The following PLXNB2 variants were observed in gnomAD, a reference collection of about 807,000 sequenced individuals.
PLXNB2 encodes the protein plexin B2.
PLXNB2 carries 85 observed loss-of-function variants against 202.6 expected under a neutral mutation model. The observed-to-expected ratio is 0.42, with a 90% CI of 0.35 to 0.50. The LOEUF is 0.50. Among genes scored for constraint, PLXNB2 ranks in the 20% least tolerant of loss-of-function variants. PLXNB2 has a pLI of 0.02. For synonymous variants in PLXNB2, 1,239 were observed against 1,137.6 expected (o/e 1.09, Z -1.79); for missense variants, 2,063 against 2,586.2 (o/e 0.80, Z 4.39).
intron 35 of PLXNB2, among the ~76,000 whole-genome samples, chr22:50,276,231 T>C (rs1196517061): frequency 2.2e-5 from 3 of 133,336 alleles, no homozygotes; most frequent in Middle Eastern, 3.6e-3. Context: ...AGCAGGGCTG[T>C]GGGTGGAGCC....
chr22:50,280,864 G>A lies in PLXNB2; in HGVS notation c.3873C>T (p.Asp1291=), dbSNP rs138514376. ...TDRVFFLPSK[D]GDKDVMITGK... ...CGGTGATCATCACGTCCTTGTCGCC[G>A]TCCTTGGAGGGCAGGAAGAAGACGC... The change falls in exon 24 of 37, where the codon GAC becomes GAT. Residue 1291 remains aspartate, a synonymous_variant. Coordinates refer to ENST00000359337, the MANE Select transcript of PLXNB2 (RefSeq NM_012401.4). 1.2e-4 allele frequency: 191 copies of A among 1,613,544 alleles called. No individual in the cohort carries two copies. The highest frequency in any genetic ancestry group is 6.3e-4 in the Admixed American group (38 of 60,022).
At chr22:50,290,623 G>A in intron 2 of PLXNB2, 26 bp from the exon 3 acceptor site, 8 of 1,532,546 alleles carry the variant, frequency 5.2e-6, no homozygotes, top group Non-Finnish European at 7.0e-6. Context: ...AGGGTCAGGG[G>A]AGCCCCGACC....
chr22:50,282,055 G>A lies in PLXNB2; in HGVS notation c.3144C>T (p.His1048=). 1 of 1,612,270 alleles carries A rather than the reference G, an allele frequency of 6.2e-7. No individual in the cohort carries two copies. The highest frequency in any genetic ancestry group is 1.1e-5 in the South Asian group (1 of 91,086). ...ACAGGAAGACGACCTTGGTGTCATT[G>A]TGGAACACGTAGTCTGTACCCACCA... ...MTVVGTDYVF[H]NDTKVVFLSP... Residue 1048 remains histidine, a synonymous_variant, in exon 20 of 37, where the codon CAC becomes CAT. Coordinates refer to ENST00000359337, the MANE Select transcript of PLXNB2 (RefSeq NM_012401.4).
Position 50,278,142 on chromosome 22 carries a change from T to C in PLXNB2, c.4862A>G (p.Tyr1621Cys), listed in dbSNP as rs2065742264. 6.2e-7 allele frequency: 1 copy of C among 1,602,706 alleles called. No individual in the cohort carries two copies. Among genetic ancestry groups the C allele is most frequent in the Non-Finnish European group, 8.5e-7 (1 of 1,179,808 alleles). The change falls in exon 31 of 37, where the codon TAC becomes TGC. Residue 1621 changes from tyrosine to cysteine, a missense_variant. Coordinates refer to ENST00000359337, the MANE Select transcript of PLXNB2 (RefSeq NM_012401.4). Reference protein sequence around the residue: ...KERTKAITEIYLTRLLSVKGT... With the variant: ...KERTKAITEICLTRLLSVKGT... ...CTTGACTGAGAGCAGCCGCGTCAGG[T>C]AGATCTCGGTGATGGCCTTCGTCCG...
At chr22:50,301,184 C>A (rs934930458) in intron 1 of PLXNB2, among the ~76,000 whole-genome samples, 22 of 152,198 alleles carry the variant, frequency 1.4e-4, no homozygotes, top group African/African-American at 5.1e-4. Context: ...TTGGCTACGG[C>A]GCCCTGTCCC....
intron 7 of PLXNB2, 55 bp downstream of exon 7, chr22:50,287,612 C>A (rs1365730109): frequency 4.1e-6 from 6 of 1,476,420 alleles, no homozygotes; most frequent in Non-Finnish European, 4.5e-6. Flanking sequence ...CATGGGGGAG[C>A]CCCCACCTGG....
intron 1 of PLXNB2, among the ~76,000 whole-genome samples, chr22:50,295,603 G>A (rs1436805843): frequency 6.6e-6 from 1 of 152,148 alleles, no homozygotes; most frequent in Non-Finnish European, 1.5e-5. Flanking sequence ...ATACCCACAG[G>A]GAGGCACAGA....
intron 1 of PLXNB2, among the ~76,000 whole-genome samples, chr22:50,296,702 C>T: frequency 6.6e-6 from 1 of 152,092 alleles, no homozygotes; most frequent in East Asian, 1.9e-4. Flanking sequence ...CCCCTACAAC[C>T]AAGGTTCAGC....
intron 31 of PLXNB2, 36 bp from the exon 32 acceptor site, chr22:50,278,049 C>G (rs372153902): frequency 6.2e-7 from 1 of 1,602,592 alleles, no homozygotes; most frequent in African/African-American, 1.4e-5. Flanking sequence ...ACGCCGTGGG[C>G]GCGGCTCCTG....
chr22:50,298,391 C>T (rs1470334230), intron 1 of PLXNB2, among the ~76,000 whole-genome samples: 1 of 152,092 alleles, frequency 6.6e-6, no homozygotes, highest in Non-Finnish European at 1.5e-5. Flanking sequence ...TGACCAGCAG[C>T]CCCCAGGCCC....
intron 1 of PLXNB2, among the ~76,000 whole-genome samples, chr22:50,303,776 A>C (rs551867321): frequency 6.6e-6 from 1 of 152,232 alleles, no homozygotes; most frequent in East Asian, 1.9e-4. Context: ...CCTGCCTCTG[A>C]TGCTGCTGCT....
chr22:50,281,608 C>T lies in PLXNB2; in HGVS notation c.3480G>A (p.Arg1160=). The change falls in exon 21 of 37, where the codon CGG becomes CGA. Residue 1160 remains arginine (R), a synonymous_variant. Transcript: ENST00000359337. ...TGTGTGTGGTGTCTCGTTTCTGCCG[C>T]CGCTTGGGCGGGGGCTGCACCTCCG... is the stretch of plus-strand genomic sequence containing the variant. ...EPPEVQPPPK[R]RQKRDTTHNL... 6.2e-7 allele frequency: 1 copy of T among 1,610,262 alleles called. No individual in the cohort carries two copies. The highest frequency in any genetic ancestry group is 1.1e-5 in the South Asian group (1 of 90,798).
Position 50,278,473 on chromosome 22 carries a change from TGGGAGACC to T in PLXNB2, c.4686_4693del (p.Val1563AlafsTer108). 20 of 1,560,748 alleles carry T rather than the reference TGGGAGACC, an allele frequency of 1.3e-5. No individual in the cohort carries two copies. Among genetic ancestry groups the T allele is most frequent in the Non-Finnish European group, 1.6e-5 (19 of 1,152,744 alleles). On this transcript the variant is annotated frameshift_variant, in exon 30 of 37. Coordinates refer to ENST00000359337, the MANE Select transcript of PLXNB2 (RefSeq NM_012401.4). LOFTEE classifies it high-confidence loss of function. ...GTCCTGCTGGCTGTCCTCCGGCTGCTGGGAGACCCCCACCTTGGACAGGATGAGGGTGG... is the reference window on the plus strand; with the variant it reads ...GTCCTGCTGGCTGTCCTCCGGCTGCTCCCACCTTGGACAGGATGAGGGTGG...
In PLXNB2 at chr22:50,275,606, G is replaced by C; in HGVS notation, c.*98C>G. The C allele has an allele frequency of 2.4e-6, 2 of 822,824 alleles. No homozygotes were observed. The highest frequency in any genetic ancestry group is 3.9e-6 in the Non-Finnish European group (2 of 510,124). 51.0% of individuals were successfully genotyped at this position (822,824 alleles called of 1,614,324 possible). On this transcript the variant is annotated 3_prime_UTR_variant, in exon 37 of 37. Coordinates refer to ENST00000359337, the MANE Select transcript of PLXNB2 (RefSeq NM_012401.4). Reference sequence around the variant, plus strand: ...CCGGCTTGGGGCGCGTTCCAGGGGAGGGTGGGGGCCTCAGCCACAGCCACT... The same window carrying C: ...CCGGCTTGGGGCGCGTTCCAGGGGACGGTGGGGGCCTCAGCCACAGCCACT...
intron 1 of PLXNB2, among the ~76,000 whole-genome samples, chr22:50,306,709 C>T (rs1015676500): frequency 6.6e-6 from 1 of 151,998 alleles, no homozygotes; most frequent in Non-Finnish European, 1.5e-5. Context: ...TCACCCTCAC[C>T]CTCACCCTCA....
intron 1 of PLXNB2, among the ~76,000 whole-genome samples, chr22:50,304,812 C>G (rs1201472384): frequency 6.6e-6 from 1 of 152,180 alleles, no homozygotes; most frequent in African/African-American, 2.4e-5. Context: ...CTCCCACCCC[C>G]AGAGAACCTG....
intron 15 of PLXNB2, 70 bp from the exon 16 acceptor site, chr22:50,283,515 T>G: frequency 2.1e-6 from 1 of 481,392 alleles, no homozygotes; most frequent in Non-Finnish European, 2.7e-6. Flanking sequence ...CCTCACCCCC[T>G]CAGCCTCCCC....
At chr22:50,296,683 C>T (rs1342087134) in intron 1 of PLXNB2, among the ~76,000 whole-genome samples, 2 of 151,794 alleles carry the variant, frequency 1.3e-5, no homozygotes, top group South Asian at 2.1e-4. Context: ...TCCAGGCCCT[C>T]AATAGCCACC....
Position 50,290,290 on chromosome 22 carries a change from G to A in PLXNB2, c.295C>T (p.Leu99=), listed in dbSNP as rs371752689. The A allele has an allele frequency of 6.5e-5, 104 of 1,611,884 alleles. No individual in the cohort carries two copies. The African/African-American group carries it at 1.1e-3, about 18-fold the overall frequency. The change falls in exon 3 of 37, where the codon CTG becomes TTG. Residue 99 remains leucine (L), a synonymous_variant. Coordinates refer to ENST00000359337, the MANE Select transcript of PLXNB2 (RefSeq NM_012401.4). ...TTCCTGGGAGGGTCGAGCAGCAGCA[G>A]CTGGTTGACATTGTCAGTCATCTCA... The part of the protein sequence containing the change: ...EAEMTDNVNQ[L]LLLDPPRKRL...
Sources: allele counts gnomAD v4.1 joint callset (sites outside exome capture counted in the v4.1 genomes callset), GRCh38; gene constraint gnomAD v4.1.1; transcripts MANE v1.5; gene names NCBI Gene and HGNC (gene_info 2026-07-23, HGNC 2026-07-21).